DENND4A: variants seen among roughly 807,000 people sequenced by gnomAD.
DENND4A encodes C-myc promoter-binding protein.
A neutral mutation model predicts 199.3 loss-of-function variants in DENND4A; 70 were observed. The observed-to-expected ratio is 0.35, with a 90% CI of 0.29 to 0.43. DENND4A has a LOEUF of 0.43. Ranked by LOEUF, DENND4A falls within the 20% of genes least tolerant of loss-of-function variation. The pLI, the probability that DENND4A is intolerant of heterozygous loss-of-function variation, is 1.00. For synonymous variants in DENND4A, 686 were observed against 766.9 expected, an observed-to-expected ratio of 0.89 and a Z score of 1.74; for missense variants, 1,723 against 2,255.8, an observed-to-expected ratio of 0.76 and a Z score of 4.78.
intron 1 of DENND4A, among the ~76,000 whole-genome samples, chr15:65,788,221 C>A (rs541852708): frequency 6.6e-6 from 1 of 152,072 alleles, no homozygotes; most frequent in Non-Finnish European, 1.5e-5. Flanking sequence ...GGACTACAGG[C>A]GCCTGCCACC....
At position 65,766,048 on chromosome 15, in the gene DENND4A, A is replaced by T. The variant is rs555996572; in HGVS notation, c.-101-4610T>A. Among the ~76,000 whole-genome samples the T allele has an allele frequency of 4.6e-5, 7 of 152,320 alleles. No homozygotes were observed. The East Asian group carries it at 1.3e-3, about 29-fold the overall frequency. On this transcript the variant is annotated intron_variant, in intron 1 of 32. Transcript: ENST00000443035. ...GGTGGATCACGAGGTCAGGAGCTCA[A>T]GACCAGCCTGGCCAACATAGTGAAA...
At chr15:65,712,433 A>G (rs1274958178) in intron 14 of DENND4A, among the ~76,000 whole-genome samples, 1 of 152,200 alleles carries the variant, frequency 6.6e-6, no homozygotes, top group Non-Finnish European at 1.5e-5. Flanking sequence ...TATGATAGGC[A>G]GCTATAATTA....
chr15:65,717,972 C>A lies in DENND4A; in HGVS notation c.1613G>T (p.Gly538Val). ...AKLQQRPRDD[G>V]LMDLAINDYD... ...GTCATTTATTGCTAAATCCATGAGT[C>A]CATCATCTCTCGGTCTCTGCTGCAC... Residue 538 changes from glycine to valine, a missense_variant, in exon 13 of 33, where the codon GGA (glycine) becomes GTA (valine). Transcript: ENST00000443035. 6.2e-7 allele frequency: 1 copy of A among 1,604,734 alleles called. No homozygotes were observed. Among genetic ancestry groups the A allele is most frequent in the Middle Eastern group, 1.7e-4 (1 of 6,050 alleles).
intron 7 of DENND4A, among the ~76,000 whole-genome samples, chr15:65,735,891 A>G (rs2140430983): frequency 6.6e-6 from 1 of 152,276 alleles, no homozygotes; most frequent in East Asian, 1.9e-4. Context: ...CAGGAGTTCG[A>G]GACCAGCCTC....
At chr15:65,768,449 C>T (rs1308947837) in intron 1 of DENND4A, among the ~76,000 whole-genome samples, 1 of 152,124 alleles carries the variant, frequency 6.6e-6, no homozygotes, top group African/African-American at 2.4e-5. Context: ...AGAAATAGTA[C>T]ATTAACAGTA....
intron 1 of DENND4A, among the ~76,000 whole-genome samples, chr15:65,790,232 G>T (rs1037650911): frequency 2.0e-5 from 3 of 152,068 alleles, no homozygotes; most frequent in African/African-American, 7.2e-5. Context: ...TTAAACCAGT[G>T]GTAATTCATG....
intron 23 of DENND4A, among the ~76,000 whole-genome samples, chr15:65,679,472 T>C (rs1235560511): frequency 6.6e-6 from 1 of 151,962 alleles, no homozygotes; most frequent in East Asian, 1.9e-4. Context: ...TTTTTGATAC[T>C]CTATCAAGTT....
intron 24 of DENND4A, among the ~76,000 whole-genome samples, chr15:65,673,448 G>A (rs2076277203): frequency 6.6e-6 from 1 of 151,618 alleles, no homozygotes; most frequent in Non-Finnish European, 1.5e-5. Context: ...TCCAGCCTGA[G>A]TGATAGAGTG....
intron 14 of DENND4A, among the ~76,000 whole-genome samples, chr15:65,707,935 C>T (rs2075117551): frequency 1.3e-5 from 2 of 152,096 alleles, no homozygotes; most frequent in African/African-American, 2.4e-5. Flanking sequence ...ATCCGCCTGC[C>T]TTGGCCTCCC....
chr15:65,779,875 C>T (rs964952489), intron 1 of DENND4A, among the ~76,000 whole-genome samples: 4 of 151,954 alleles, frequency 2.6e-5, no homozygotes, highest in East Asian at 3.9e-4. Flanking sequence ...GGATTACAGG[C>T]GTGAGCCACA....
intron 15 of DENND4A, among the ~76,000 whole-genome samples, chr15:65,704,119 C>T (rs2074967455): frequency 6.6e-6 from 1 of 151,916 alleles, no homozygotes; most frequent in South Asian, 2.1e-4. Flanking sequence ...AAAACCATGC[C>T]CCTTAAAAAA....
intron 15 of DENND4A, among the ~76,000 whole-genome samples, chr15:65,705,759 T>A (rs1006595537): frequency 6.6e-6 from 1 of 151,822 alleles, no homozygotes; most frequent in African/African-American, 2.4e-5. Flanking sequence ...GAATTGAAAG[T>A]GAGGAAACCA....
At chr15:65,779,258 C>T (rs1248563417) in intron 1 of DENND4A, among the ~76,000 whole-genome samples, 1 of 151,866 alleles carries the variant, frequency 6.6e-6, no homozygotes, top group African/African-American at 2.4e-5. Flanking sequence ...GAGTTCAAGA[C>T]CATCTTGGCC....
intron 11 of DENND4A, among the ~76,000 whole-genome samples, chr15:65,726,861 C>A (rs1481449806): frequency 6.6e-6 from 1 of 152,026 alleles, no homozygotes; most frequent in East Asian, 1.9e-4. Flanking sequence ...GAGGCTGAGG[C>A]AGGAGAATTG....
At chr15:65,771,996 A>C (rs570916205) in intron 1 of DENND4A, 59 of 1,480,440 alleles carry the variant, frequency 4.0e-5, no homozygotes, top group Middle Eastern at 1.7e-4. Context: ...AGTAATTTTT[A>C]TATTTGTTTA....
intron 1 of DENND4A, among the ~76,000 whole-genome samples, chr15:65,773,398 C>T (rs977883348): frequency 1.3e-5 from 2 of 151,902 alleles, no homozygotes; most frequent in Admixed American, 1.3e-4. Context: ...AGAAGGCAGA[C>T]AAGAAAACAA....
At chr15:65,667,218 T>C (rs1246716698) in intron 29 of DENND4A, among the ~76,000 whole-genome samples, 1 of 152,096 alleles carries the variant, frequency 6.6e-6, no homozygotes, top group Non-Finnish European at 1.5e-5. Context: ...CAATCCCAGC[T>C]ACTTGGGAGG....
At chr15:65,700,124 C>A (rs1461067961) in intron 20 of DENND4A, among the ~76,000 whole-genome samples, 1 of 152,040 alleles carries the variant, frequency 6.6e-6, no homozygotes, top group East Asian at 1.9e-4. Context: ...CCTTACATAA[C>A]CATAGTACAT....
At chr15:65,702,192 T>C in intron 17 of DENND4A, 113 bp downstream of exon 17, 3 of 904,562 alleles carry the variant, frequency 3.3e-6, no homozygotes, top group Non-Finnish European at 3.4e-6. Flanking sequence ...TCTCTTGAGC[T>C]CAAGAGGTTA....
Sources: gnomAD v4.1 joint callset for allele counts (sites outside exome capture counted in the v4.1 genomes callset) on GRCh38, gnomAD v4.1.1 for gene constraint, MANE v1.5 for transcripts, NCBI Gene and HGNC (gene_info 2026-07-23, HGNC 2026-07-21) for gene names.